LEMD3: variants seen among roughly 807,000 people sequenced by gnomAD.
LEMD3 encodes inner nuclear membrane protein Man1.
LEMD3 carries 33 observed loss-of-function variants against 95.2 expected under a neutral mutation model. The observed-to-expected ratio is 0.35, with a 90% CI of 0.26 to 0.46. LEMD3 has a LOEUF of 0.46. Among genes scored for constraint, LEMD3 ranks in the 20% least tolerant of loss-of-function variants. The probability of loss-of-function intolerance (pLI) is 1.00; values close to 1 mark genes in which losing one functional copy is unlikely to be tolerated. For synonymous variants in LEMD3, 525 were observed against 474.6 expected (o/e 1.11, Z -1.38); for missense variants, 1,210 against 1,192.8 (o/e 1.01, Z -0.21).
chr12:65,240,877 A>G (rs767516327), intron 8 of LEMD3, 32 bp from the exon 9 acceptor site: 5 of 1,590,814 alleles, frequency 3.1e-6, no homozygotes, highest in Non-Finnish European at 4.3e-6. Context: ...AGCCAAGATG[A>G]TAGTAAATTT....
intron 9 of LEMD3, among the ~76,000 whole-genome samples, chr12:65,241,783 T>C (rs1171940125): frequency 1.3e-5 from 2 of 152,206 alleles, no homozygotes; most frequent in Admixed American, 6.5e-5. Flanking sequence ...TAAGTTGTTT[T>C]GGACATGCAA....
At chr12:65,173,280 C>T (rs1868613286) in intron 1 of LEMD3, among the ~76,000 whole-genome samples, 1 of 152,190 alleles carries the variant, frequency 6.6e-6, no homozygotes, top group Non-Finnish European at 1.5e-5. Context: ...GTGACTTTCA[C>T]ATCTTTCTCA....
rs1323759912 is a variant in LEMD3 at position 65,248,083 on chromosome 12, A to T, written c.*1758A>T. 2 of 152,536 alleles carry T rather than the reference A, an allele frequency of 1.3e-5. No homozygotes were observed. The highest frequency in any genetic ancestry group is 2.1e-4 in the South Asian group (1 of 4,832). The allele number at this position is 152,536 out of a possible 1,614,324, so 9.4% of individuals were successfully genotyped here. A position where few individuals can be genotyped will look rare whatever the true frequency, so the allele number is the denominator to read the frequency against. ...CATTTTAAAAGGTCGCCTTTGATGC[A>T]GATGCATCTTTTTCTTGCTTCTAAA... On this transcript the variant is annotated 3_prime_UTR_variant, in exon 13 of 13. Coordinates refer to ENST00000308330, the MANE Select transcript of LEMD3 (RefSeq NM_014319.5).
chr12:65,222,957 T>C (rs1592453833), intron 4 of LEMD3, among the ~76,000 whole-genome samples: 2 of 152,320 alleles, frequency 1.3e-5, no homozygotes, highest in East Asian at 3.9e-4. Flanking sequence ...TCAGTTTTTC[T>C]CTGCTTTTGA....
chr12:65,220,639 T>A (rs1248278052), intron 4 of LEMD3, among the ~76,000 whole-genome samples: 4 of 152,244 alleles, frequency 2.6e-5, no homozygotes, highest in African/African-American at 7.2e-5. Context: ...AAGAAATTAT[T>A]GCCCATATCA....
At chr12:65,194,756 T>TAA (rs1869357080) in intron 1 of LEMD3, among the ~76,000 whole-genome samples, 1 of 119,944 alleles carries the variant, frequency 8.3e-6, no homozygotes, top group African/African-American at 2.6e-5. Flanking sequence ...CTTTCATTAG[T>TAA]TTTACATAGG....
chr12:65,239,029 G>A (rs1042491359), intron 6 of LEMD3, among the ~76,000 whole-genome samples: 22 of 152,152 alleles, frequency 1.4e-4, no homozygotes, highest in South Asian at 4.2e-4. Context: ...TTTGTTATAA[G>A]ACTGTCACAG....
At chr12:65,236,258 C>T (rs796266824) in intron 4 of LEMD3, among the ~76,000 whole-genome samples, 7 of 152,196 alleles carry the variant, frequency 4.6e-5, no homozygotes, top group Admixed American at 1.3e-4. Flanking sequence ...TTTTCCTCTA[C>T]GAGCCAGGCA....
At chr12:65,217,400 C>G (rs1349535743) in intron 3 of LEMD3, among the ~76,000 whole-genome samples, 1 of 152,184 alleles carries the variant, frequency 6.6e-6, no homozygotes, top group Admixed American at 6.5e-5. Flanking sequence ...TCTGAGGATG[C>G]ACTAATAAAC....
intron 1 of LEMD3, among the ~76,000 whole-genome samples, chr12:65,205,387 A>T (rs969121885): frequency 2.6e-5 from 4 of 151,736 alleles, no homozygotes. Flanking sequence ...AGAGACCATA[A>T]TTTTTTTTTA....
chr12:65,184,106 G>A (rs1461642278), intron 1 of LEMD3, among the ~76,000 whole-genome samples: 1 of 152,112 alleles, frequency 6.6e-6, no homozygotes, highest in African/African-American at 2.4e-5. Context: ...TATTCATCAT[G>A]CTCTTTGAAT....
chr12:65,187,854 C>G (rs1282211883), intron 1 of LEMD3, among the ~76,000 whole-genome samples: 1 of 152,070 alleles, frequency 6.6e-6, no homozygotes, highest in Non-Finnish European at 1.5e-5. Context: ...GAGTTCTTAT[C>G]TTTGTATTCC....
rs774353434 is a variant in LEMD3, at chr12:65,169,613, C to T, written c.17C>T (p.Ala6Val). The change falls in exon 1 of 13, where the codon GCT becomes GTT. Residue 6 changes from alanine to valine, a missense_variant. Ala to Val is a moderately conservative substitution (Grantham distance 64). Coordinates refer to ENST00000308330, the MANE Select transcript of LEMD3 (RefSeq NM_014319.5). MAAAA[A>V]SAPQQLSDEE... is the part of the protein sequence containing the mutation. ...GGAGAGAAAATGGCGGCGGCAGCAG[C>T]TTCGGCGCCTCAGCAGCTCTCGGAT... is the stretch of plus-strand genomic sequence containing the variant. The T allele has an allele frequency of 4.4e-6, 7 of 1,587,790 alleles. No individual in the cohort carries two copies. The Admixed American group carries it at 5.4e-5, about 12-fold the overall frequency.
intron 4 of LEMD3, among the ~76,000 whole-genome samples, chr12:65,236,990 T>C (rs1870793063): frequency 6.6e-6 from 1 of 152,120 alleles, no homozygotes; most frequent in Non-Finnish European, 1.5e-5. Flanking sequence ...CTATAATTAC[T>C]GAGGACTCTG....
intron 1 of LEMD3, among the ~76,000 whole-genome samples, chr12:65,196,959 C>T (rs1386382137): frequency 6.6e-6 from 1 of 152,124 alleles, no homozygotes; most frequent in East Asian, 1.9e-4. Flanking sequence ...GGGCAGCACT[C>T]AGAACCAGAA....
intron 4 of LEMD3, among the ~76,000 whole-genome samples, chr12:65,221,843 C>T (rs1012482144): frequency 1.3e-5 from 2 of 150,356 alleles, no homozygotes; most frequent in African/African-American, 2.5e-5. Context: ...TGGGCTCAAG[C>T]GATTCACATG....
intron 1 of LEMD3, among the ~76,000 whole-genome samples, chr12:65,200,913 A>G (rs1869581562): frequency 6.6e-6 from 1 of 152,068 alleles, no homozygotes; most frequent in Non-Finnish European, 1.5e-5. Context: ...TTTATCTTCT[A>G]GGAGTTTTAT....
rs897956528 is a variant in LEMD3 at position 65,172,686 on chromosome 12, G to T, written c.1522+1568G>T. Among the ~76,000 whole-genome samples, 3 of 151,424 alleles carry T rather than the reference G, an allele frequency of 2.0e-5. No homozygotes were observed. The East Asian group carries it at 5.8e-4, about 29-fold the overall frequency. On this transcript the variant is annotated intron_variant, in intron 1 of 12. Transcript: ENST00000308330. Reference sequence around the variant, plus strand: ...CATTACCTATCAGCAGTAGCTATCTGCATCTGTGTCTCTAACAACTATAAG... The same window carrying T: ...CATTACCTATCAGCAGTAGCTATCTTCATCTGTGTCTCTAACAACTATAAG...
chr12:65,214,467 G>A (rs948680600), intron 2 of LEMD3, among the ~76,000 whole-genome samples: 17 of 152,088 alleles, frequency 1.1e-4, no homozygotes, highest in African/African-American at 2.9e-4. Flanking sequence ...TCAGTCAACC[G>A]TCTGACATAA....
Sources: gnomAD v4.1 joint callset for allele counts (sites outside exome capture counted in the v4.1 genomes callset) on GRCh38, gnomAD v4.1.1 for gene constraint, MANE v1.5 for transcripts, NCBI Gene and HGNC (gene_info 2026-07-23, HGNC 2026-07-21) for gene names.